Variants in C2CD2 observed in about 807,000 individuals in gnomAD.
The protein encoded by C2CD2 is C2 domain-containing protein 2.
Under a neutral mutation model 74.3 loss-of-function variants are expected in C2CD2, and 43 were observed. The observed-to-expected ratio is 0.58, with a 90% CI of 0.45 to 0.75. The LOEUF is 0.75. C2CD2 is among the 30% of genes least tolerant of loss of function. C2CD2 has a pLI of 0.00. For synonymous variants in C2CD2, 422 were observed against 390.7 expected, an observed-to-expected ratio of 1.08 and a Z score of -0.94; for missense variants, 801 against 916.3, an observed-to-expected ratio of 0.87 and a Z score of 1.63.
intron 8 of C2CD2, 142 bp downstream of exon 8, chr21:41,909,317 A>G: frequency 1.7e-6 from 1 of 590,142 alleles, no homozygotes; most frequent in South Asian, 2.2e-5. Flanking sequence ...TCGACCAAAC[A>G]TTCCCATGGG....
At chr21:41,906,840 G>C (rs747669998) in intron 10 of C2CD2, 152 bp downstream of exon 10, 1 of 596,280 alleles carries the variant, frequency 1.7e-6, no homozygotes, top group South Asian at 2.2e-5. Context: ...AACAAACTAA[G>C]CACAAGTGTG....
At chr21:41,914,399 A>G (rs113970068) in intron 6 of C2CD2, among the ~76,000 whole-genome samples, 199 bp downstream of exon 6, 232 of 152,024 alleles carry the variant, frequency 1.5e-3, no homozygotes, top group African/African-American at 5.3e-3. Context: ...TGGCCTTCCC[A>G]CGTGCAGAAA....
At position 41,918,167 on chromosome 21, in the gene C2CD2, C is replaced by T; in HGVS notation, c.658G>A (p.Ala220Thr). 6.2e-7 allele frequency: 1 copy of T among 1,614,130 alleles called. No individual in the cohort carries two copies. The highest frequency in any genetic ancestry group is 2.2e-5 in the East Asian group (1 of 44,884). Reference protein sequence around the residue: ...DVLKDILKHLAGSASPSVVLI... With the variant: ...DVLKDILKHLTGSASPSVVLI... ...ACCACTGATGGAGAGGCAGAACCAGCCAAATGCTTCAAGATGTCCTTGAGA... is the reference window on the plus strand; with the variant it reads ...ACCACTGATGGAGAGGCAGAACCAGTCAAATGCTTCAAGATGTCCTTGAGA... The change falls in exon 5 of 14, where the codon GCT (alanine) becomes ACT (threonine). Residue 220 changes from alanine to threonine, a missense_variant. Physicochemically the swap from Ala to Thr is moderately conservative, Grantham distance 58. Transcript: ENST00000380486.
At position 41,953,555 on chromosome 21, in the gene C2CD2, A is replaced by G. The variant is rs941788081; in HGVS notation, c.94T>C (p.Tyr32His). 6 of 1,495,104 alleles carry G rather than the reference A, an allele frequency of 4.0e-6. No individual in the cohort carries two copies. The highest frequency in any genetic ancestry group is 5.3e-6 in the Non-Finnish European group (6 of 1,130,522). The allele number at this position is 1,495,104 out of a possible 1,614,324, so 92.6% of individuals were successfully genotyped here. The stretch of plus-strand genomic sequence containing the variant: ...CTGGCCAGCGCCCACTGCGCCAGGT[A>G]CAGGCCTACCGTGGCCAGGGCCGCG... ...FVAALATVGLYLAQWALARAR... is the reference protein window; with the variant it reads ...FVAALATVGLHLAQWALARAR... Residue 32 changes from tyrosine (Y) to histidine (H), a missense_variant, in exon 1 of 14, where the codon TAC becomes CAC. Tyr to His is a moderately conservative substitution (Grantham distance 83). Coordinates refer to ENST00000380486, the MANE Select transcript of C2CD2 (RefSeq NM_015500.2).
intron 1 of C2CD2, among the ~76,000 whole-genome samples, chr21:41,942,472 G>A (rs1235352661): frequency 1.3e-5 from 2 of 152,216 alleles, no homozygotes; most frequent in Non-Finnish European, 2.9e-5. Flanking sequence ...ATGGGAGAAG[G>A]CTGGGAAAGG....
intron 2 of C2CD2, among the ~76,000 whole-genome samples, chr21:41,927,369 T>C (rs879597635): frequency 2.0e-5 from 3 of 152,206 alleles, no homozygotes; most frequent in Non-Finnish European, 2.9e-5. Flanking sequence ...TTTCACCATG[T>C]TGGCCAGGCT....
At chr21:41,912,265 T>G in intron 7 of C2CD2, 67 bp downstream of exon 7, 1 of 913,614 alleles carries the variant, frequency 1.1e-6, no homozygotes, top group East Asian at 2.6e-5. Flanking sequence ...CAGAATGATT[T>G]CAGGATTTGG....
intron 5 of C2CD2, among the ~76,000 whole-genome samples, chr21:41,916,583 A>AC (rs2065093576): frequency 6.6e-6 from 1 of 151,286 alleles, no homozygotes; most frequent in Non-Finnish European, 1.5e-5. Flanking sequence ...AACTAGAATT[A>AC]CCCCACAGAC....
At chr21:41,940,983 A>G (rs919816261) in intron 2 of C2CD2, among the ~76,000 whole-genome samples, 3 of 151,948 alleles carry the variant, frequency 2.0e-5, no homozygotes, top group African/African-American at 7.3e-5. Flanking sequence ...TAAGAAATAT[A>G]TAATGATAAT....
chr21:41,888,938 T>G lies in C2CD2; in HGVS notation c.*186A>C. On this transcript the variant is annotated 3_prime_UTR_variant, in exon 14 of 14. Coordinates refer to ENST00000380486, the MANE Select transcript of C2CD2 (RefSeq NM_015500.2). ...GGTGGCAAGTTGGGCTTTTTTGTCC[T>G]CTCTGGGAGAAGCCTCCTGGCTGGA... 1 of 607,414 alleles carries G rather than the reference T, an allele frequency of 1.6e-6. No individual in the cohort carries two copies. The highest frequency in any genetic ancestry group is 2.9e-6 in the Non-Finnish European group (1 of 343,072). 37.6% of individuals were successfully genotyped at this position (607,414 alleles called of 1,614,324 possible). A position where few individuals can be genotyped will look rare whatever the true frequency, so the allele number is the denominator to read the frequency against.
chr21:41,907,620 C>G (rs774123692), intron 9 of C2CD2, 40 bp downstream of exon 9: 1 of 1,596,296 alleles, frequency 6.3e-7, no homozygotes. Context: ...GGTAAGTGCC[C>G]CAAGCCGGAA....
intron 7 of C2CD2, among the ~76,000 whole-genome samples, chr21:41,910,089 C>T (rs977850287): frequency 3.3e-5 from 5 of 151,754 alleles, no homozygotes; most frequent in Non-Finnish European, 4.4e-5. Flanking sequence ...CCACCTCGGC[C>T]CCCCAACGTG....
rs1010807636 is a variant in C2CD2, at chr21:41,895,654, A to G, written c.1870+3399T>C. Among the ~76,000 whole-genome samples, 11 of 152,224 alleles carry G rather than the reference A, an allele frequency of 7.2e-5. No individual in the cohort carries two copies. The highest frequency in any genetic ancestry group is 4.4e-5 in the Non-Finnish European group (3 of 68,038). On this transcript the variant is annotated intron_variant, in intron 13 of 13. Transcript: ENST00000380486. This position sits in a 1 kb window ranked among gnomAD's most constrained non-coding sequence, Gnocchi z 5.0. ...AACAAGGTTTAAAAAACAAATCACAAGAAGGCTGAAGTATAAACAAATACG... is the reference window on the plus strand; with the variant it reads ...AACAAGGTTTAAAAAACAAATCACAGGAAGGCTGAAGTATAAACAAATACG...
At chr21:41,933,238 C>G (rs2065278190) in intron 2 of C2CD2, among the ~76,000 whole-genome samples, 2 of 148,114 alleles carry the variant, frequency 1.4e-5, no homozygotes, top group African/African-American at 4.9e-5. Flanking sequence ...TTATTTGTCA[C>G]AGGTCCTCAA....
chr21:41,928,544 CAAAAAAAAAAAAAAA>C (rs59346777), intron 2 of C2CD2, among the ~76,000 whole-genome samples: 1 of 72,266 alleles, frequency 1.4e-5, no homozygotes, highest in Non-Finnish European at 2.5e-5. Context: ...TAAAGCAAAG[CAAAAAAAAAAAAAAA>C]AAAAAAAAAG....
At chr21:41,902,530 C>T (rs1431911072) in intron 11 of C2CD2, among the ~76,000 whole-genome samples, 4 of 152,192 alleles carry the variant, frequency 2.6e-5, no homozygotes, top group African/African-American at 9.7e-5. Flanking sequence ...CTGAGATGAC[C>T]AGCAGGTCTC....
intron 2 of C2CD2, among the ~76,000 whole-genome samples, chr21:41,934,589 T>C (rs1194212800): frequency 6.6e-6 from 1 of 152,242 alleles, no homozygotes; most frequent in Non-Finnish European, 1.5e-5. Flanking sequence ...TCTACTCTTC[T>C]ACTTCTAGGA....
intron 13 of C2CD2, among the ~76,000 whole-genome samples, chr21:41,893,157 A>T (rs1372279820): frequency 1.3e-5 from 2 of 152,246 alleles, no homozygotes; most frequent in East Asian, 3.8e-4. Flanking sequence ...TTAAAAAATA[A>T]AAAAATTAAA....
intron 1 of C2CD2, among the ~76,000 whole-genome samples, chr21:41,943,695 C>T (rs541047221): frequency 6.6e-6 from 1 of 152,318 alleles, no homozygotes; most frequent in African/African-American, 2.4e-5. Context: ...TGCAAGTGAG[C>T]AAGCGATGAG....
Sources: allele counts gnomAD v4.1 joint callset (sites outside exome capture counted in the v4.1 genomes callset), GRCh38; gene constraint gnomAD v4.1.1; non-coding constraint Gnocchi (gnomAD v3.1); transcripts MANE v1.5; gene names NCBI Gene and HGNC (gene_info 2026-07-23, HGNC 2026-07-21).